Variants in PLGRKT observed in about 807,000 individuals in gnomAD.
PLGRKT encodes plasminogen receptor (KT).
In PLGRKT, 22 loss-of-function variants were observed where a neutral mutation model predicts 18.5. That is an observed-to-expected ratio of 1.19 (90% CI 0.85 to 1.70). PLGRKT has a LOEUF of 1.70. PLGRKT is among the 40% of genes most tolerant of loss of function. The pLI is 0.00. For missense variants in PLGRKT, 235 were observed against 174.4 expected (o/e 1.35, Z -1.96); for synonymous variants, 72 against 52.8 (o/e 1.36, Z -1.58).
intron 3 of PLGRKT, among the ~76,000 whole-genome samples, chr9:5,386,654 A>T (rs1458963711): frequency 6.6e-6 from 1 of 151,228 alleles, no homozygotes; most frequent in Non-Finnish European, 1.5e-5. Flanking sequence ...TCTCAACCTC[A>T]CTCCAGCCTT....
intron 3 of PLGRKT, among the ~76,000 whole-genome samples, chr9:5,417,425 T>G (rs1028376271): frequency 6.6e-6 from 1 of 151,942 alleles, no homozygotes; most frequent in Admixed American, 6.6e-5. Context: ...ACTAGAAAAC[T>G]TTTAGAAAAA....
intron 3 of PLGRKT, among the ~76,000 whole-genome samples, chr9:5,409,872 A>T (rs1034531): frequency 0.66 from 100,070 of 152,154 alleles, 35,029 homozygotes; most frequent in African/African-American, 0.91. Flanking sequence ...AATACCTCCA[A>T]TGTATCTTGG....
intron 3 of PLGRKT, among the ~76,000 whole-genome samples, chr9:5,388,255 A>C (rs1817882625): frequency 6.6e-6 from 1 of 151,856 alleles, no homozygotes; most frequent in Admixed American, 6.5e-5. Context: ...ACAGGGAGAC[A>C]GGCTGCAAGT....
chr9:5,398,807 T>C (rs1443071806), intron 3 of PLGRKT, among the ~76,000 whole-genome samples: 3 of 151,912 alleles, frequency 2.0e-5, no homozygotes, highest in African/African-American at 7.3e-5. Context: ...CAAGTAGTGA[T>C]GGGGTCAGAA....
chr9:5,433,690 G>A (rs540265925), intron 2 of PLGRKT, among the ~76,000 whole-genome samples: 28 of 132,754 alleles, frequency 2.1e-4, no homozygotes, highest in African/African-American at 4.1e-4. Context: ...CGGCTGCCCC[G>A]TCTGGGAAGT....
intron 3 of PLGRKT, among the ~76,000 whole-genome samples, chr9:5,413,100 G>C (rs1160247800): frequency 2.0e-5 from 3 of 152,204 alleles, no homozygotes; most frequent in East Asian, 3.8e-4. Context: ...TTGTTGGTGA[G>C]ACTTTGGGAA....
intron 3 of PLGRKT, among the ~76,000 whole-genome samples, chr9:5,405,801 T>G (rs1382857476): frequency 2.0e-5 from 3 of 152,116 alleles, no homozygotes; most frequent in African/African-American, 7.2e-5. Flanking sequence ...CAAATGAAAC[T>G]ATCATCAGAG....
At chr9:5,429,405 C>G (rs897353164) in intron 3 of PLGRKT, among the ~76,000 whole-genome samples, 1 of 152,176 alleles carries the variant, frequency 6.6e-6, no homozygotes, top group Non-Finnish European at 1.5e-5. Flanking sequence ...AACAAAGGAC[C>G]ACAAACTGGA....
At position 5,361,140 on chromosome 9, in the gene PLGRKT, A is replaced by C; in HGVS notation, c.260T>G (p.Leu87Ter). The C allele has an allele frequency of 6.2e-7, 1 of 1,611,894 alleles. No individual in the cohort carries two copies. Among genetic ancestry groups the C allele is most frequent in the Non-Finnish European group, 8.5e-7 (1 of 1,178,170 alleles). Reference protein sequence around the residue: ...KPAFLVPIVPLSFILTYQYDL... With the variant: ...KPAFLVPIVP ...ATACTGGTAGGTGAGGATAAAGCTT[A>C]ATGGAACAATCGGGACCAGGAAGGC... Residue 87 changes from leucine (L) to a stop codon, truncating the protein, a stop_gained, in exon 5 of 6, where the codon TTA (leucine) becomes TGA (stop). Coordinates refer to ENST00000223864, the MANE Select transcript of PLGRKT (RefSeq NM_018465.4). LOFTEE classifies it high-confidence loss of function.
chr9:5,400,097 T>C (rs1248674585), intron 3 of PLGRKT, among the ~76,000 whole-genome samples: 4 of 151,922 alleles, frequency 2.6e-5, no homozygotes. Flanking sequence ...TTCACCAAAA[T>C]TTGTGGGTAG....
At chr9:5,366,086 A>G (rs1817380158) in intron 3 of PLGRKT, among the ~76,000 whole-genome samples, 1 of 152,194 alleles carries the variant, frequency 6.6e-6, no homozygotes, top group African/African-American at 2.4e-5. Context: ...TCTAAATTTC[A>G]TAAGATTATG....
At chr9:5,373,807 T>C (rs1281499137) in intron 3 of PLGRKT, among the ~76,000 whole-genome samples, 4 of 151,812 alleles carry the variant, frequency 2.6e-5, no homozygotes, top group Non-Finnish European at 5.9e-5. Context: ...AAAAAAAGAA[T>C]TGTCTATGCT....
chr9:5,418,803 C>T lies in PLGRKT; in HGVS notation c.81+13094G>A. 5.4e-6 allele frequency: 5 copies of T among 923,276 alleles called. No individual in the cohort carries two copies. In the Admixed American group the frequency reaches 9.6e-5, roughly 18 times the overall value. 57.2% of individuals were successfully genotyped at this position (923,276 alleles called of 1,614,324 possible). A position where few individuals can be genotyped will look rare whatever the true frequency, so the allele number is the denominator to read the frequency against. On this transcript the variant is annotated intron_variant, in intron 3 of 5. Coordinates refer to ENST00000223864, the MANE Select transcript of PLGRKT (RefSeq NM_018465.4). The surrounding 1 kb of genome is among the most constrained non-coding windows in gnomAD (Gnocchi z 4.2). ...GCGACACGGAGAAGTCAGGGGGCAG[C>T]TTGGTGACACCGCTGCACCAGGGGC...
At chr9:5,387,650 G>C (rs1251904025) in intron 3 of PLGRKT, among the ~76,000 whole-genome samples, 1 of 141,456 alleles carries the variant, frequency 7.1e-6, no homozygotes, top group Non-Finnish European at 1.5e-5. Context: ...CACTGAGAGA[G>C]GCGGGAGGAA....
chr9:5,424,668 T>TTATA (rs375682412), intron 3 of PLGRKT, among the ~76,000 whole-genome samples: 1,204 of 113,114 alleles, frequency 0.011, 17 homozygotes, highest in Admixed American at 0.017. Context: ...ATTATATATT[T>TTATA]TATATATATA....
chr9:5,393,270 C>A (rs1014536268), intron 3 of PLGRKT, among the ~76,000 whole-genome samples: 2 of 151,776 alleles, frequency 1.3e-5, no homozygotes, highest in Non-Finnish European at 2.9e-5. Flanking sequence ...ACCATGTACA[C>A]AATAACAAGA....
rs147511853 is a variant in PLGRKT, at chr9:5,417,778, T to C, written c.81+14119A>G. ...AAGGTTCACAACAAAACACAACACA[T>C]TGGAGACAGTTGTTAAAATATTTTC... On this transcript the variant is annotated intron_variant, in intron 3 of 5. Coordinates refer to ENST00000223864, the MANE Select transcript of PLGRKT (RefSeq NM_018465.4). Among the ~76,000 whole-genome samples the C allele has an allele frequency of 5.9e-3, 902 of 152,072 alleles. 12 individuals are homozygous for C. Among genetic ancestry groups the C allele is most frequent in the African/African-American group, 0.021 (861 of 41,488 alleles).
intron 3 of PLGRKT, among the ~76,000 whole-genome samples, chr9:5,387,241 T>C (rs970171540): frequency 6.6e-6 from 1 of 151,890 alleles, no homozygotes; most frequent in Non-Finnish European, 1.5e-5. Context: ...CCGAAAAAGA[T>C]GGAATGCTGC....
intron 3 of PLGRKT, among the ~76,000 whole-genome samples, chr9:5,427,439 G>C (rs1341716271): frequency 6.6e-6 from 1 of 152,080 alleles, no homozygotes; most frequent in Admixed American, 6.5e-5. Flanking sequence ...CATATGCCAA[G>C]GTTATTAAGA....
Sources: allele counts gnomAD v4.1 joint callset (sites outside exome capture counted in the v4.1 genomes callset), GRCh38; gene constraint gnomAD v4.1.1; non-coding constraint Gnocchi (gnomAD v3.1); transcripts MANE v1.5; gene names NCBI Gene and HGNC (gene_info 2026-07-23, HGNC 2026-07-21).